Variants in DCT observed in about 807,000 individuals in gnomAD.
The protein encoded by DCT is L-dopachrome tautomerase.
Under a neutral mutation model 53.0 loss-of-function variants are expected in DCT, and 47 were observed. That is an observed-to-expected ratio of 0.89 (90% CI 0.70 to 1.13). The LOEUF (loss-of-function observed/expected upper bound fraction) is 1.13. DCT is among the 50% of genes most tolerant of loss of function. The pLI, the probability that DCT is intolerant of heterozygous loss-of-function variation, is 0.00. For missense variants in DCT, 669 were observed against 637.4 expected, an observed-to-expected ratio of 1.05 and a Z score of -0.53; for synonymous variants, 244 against 237.0, an observed-to-expected ratio of 1.03 and a Z score of -0.27.
At chr13:94,479,904 C>A (rs1885366035), upstream of DCT, among the ~76,000 whole-genome samples, 1 of 152,154 alleles carries the variant, frequency 6.6e-6, no homozygotes, top group Non-Finnish European at 1.5e-5. Flanking sequence ...TGTGCTCCAG[C>A]CAAACTTGTG....
At chr13:94,533,353 C>G in the DCT span, among the ~76,000 whole-genome samples, 1 of 148,260 alleles carries the variant, frequency 6.7e-6, no homozygotes, top group Non-Finnish European at 1.5e-5. Flanking sequence ...AAATATTTAC[C>G]GAAAATGTTT....
the DCT span, among the ~76,000 whole-genome samples, chr13:94,494,211 G>A: frequency 6.6e-6 from 1 of 152,114 alleles, no homozygotes; most frequent in Admixed American, 6.5e-5. Context: ...AGGCCTCACA[G>A]CTTTTAACAT....
At chr13:94,512,987 G>A in the DCT span, among the ~76,000 whole-genome samples, 1 of 152,212 alleles carries the variant, frequency 6.6e-6, no homozygotes, top group South Asian at 2.1e-4. Flanking sequence ...CCAGGCAGCA[G>A]AAATAGCATG....
At chr13:94,511,481 T>A in the DCT span, among the ~76,000 whole-genome samples, 1 of 151,700 alleles carries the variant, frequency 6.6e-6, no homozygotes, top group Non-Finnish European at 1.5e-5. Flanking sequence ...TGCCTCAGCC[T>A]CCCAAGTAGC....
chr13:94,460,505 A>T (rs939874293), intron 5 of DCT, among the ~76,000 whole-genome samples: 5 of 152,162 alleles, frequency 3.3e-5, no homozygotes, highest in Admixed American at 3.3e-4. Flanking sequence ...AGCAGGCTCT[A>T]TGTTTTCTTC....
intron 3 of DCT, 95 bp downstream of exon 3, chr13:94,466,463 A>G: frequency 1.5e-6 from 1 of 683,652 alleles, no homozygotes; most frequent in Non-Finnish European, 2.4e-6. Flanking sequence ...TATGAGTATC[A>G]AGATAAGTAT....
At chr13:94,546,204 C>G in the DCT span, among the ~76,000 whole-genome samples, 373 of 152,230 alleles carry the variant, frequency 2.5e-3, 2 homozygotes, top group Non-Finnish European at 3.8e-3. This position sits in a 1 kb window ranked among gnomAD's most constrained non-coding sequence, Gnocchi z 4.2. Flanking sequence ...AAGGATAGGG[C>G]CAGTGTCTCC....
the DCT span, among the ~76,000 whole-genome samples, chr13:94,494,395 T>C: frequency 3.9e-5 from 6 of 152,212 alleles, no homozygotes; most frequent in African/African-American, 1.4e-4. Context: ...CTGATTTCAC[T>C]AGGGGTTCTC....
At chr13:94,501,082 TG>T in the DCT span, among the ~76,000 whole-genome samples, 1 of 151,988 alleles carries the variant, frequency 6.6e-6, no homozygotes, top group African/African-American at 2.4e-5. Context: ...CTGGCTAACA[TG>T]GTGAAACCCC....
the DCT span, among the ~76,000 whole-genome samples, chr13:94,485,933 T>C: frequency 5.6e-3 from 848 of 152,300 alleles, 7 homozygotes; most frequent in African/African-American, 0.019. Flanking sequence ...CGTTGCTCGA[T>C]TGCATGATTT....
chr13:94,536,024 G>A, the DCT span, among the ~76,000 whole-genome samples: 1 of 152,290 alleles, frequency 6.6e-6, no homozygotes, highest in African/African-American at 2.4e-5. Context: ...TAATACCACA[G>A]AAAAGTTTGC....
chr13:94,469,292 A>G (rs557039615), intron 1 of DCT, among the ~76,000 whole-genome samples: 11 of 152,226 alleles, frequency 7.2e-5, no homozygotes, highest in Non-Finnish European at 1.6e-4. Context: ...GTATACTGCA[A>G]TGAGCTAAAC....
the DCT span, among the ~76,000 whole-genome samples, chr13:94,524,971 C>T: frequency 2.2e-3 from 339 of 152,266 alleles, 2 homozygotes; most frequent in African/African-American, 7.7e-3. Flanking sequence ...AATGCCTCTA[C>T]ACTCCAAGAA....
chr13:94,503,105 G>C, the DCT span, among the ~76,000 whole-genome samples: 3 of 152,112 alleles, frequency 2.0e-5, no homozygotes, highest in African/African-American at 7.2e-5. Context: ...GGTTGGGTGC[G>C]GTGGCTCATG....
rs1442545899 is a variant in DCT at position 94,479,152 on chromosome 13, A to T, written c.104T>A (p.Leu35Gln). The T allele has an allele frequency of 6.2e-7, 1 of 1,614,110 alleles. No individual in the cohort carries two copies. Among genetic ancestry groups the T allele is most frequent in the Non-Finnish European group, 8.5e-7 (1 of 1,179,966 alleles). Residue 35 changes from leucine to glutamine, a missense_variant, in exon 1 of 8, where the codon CTA becomes CAA. Coordinates refer to ENST00000377028, the MANE Select transcript of DCT (RefSeq NM_001922.5). ...GCGTGGGCAGCACTCCTTGTTCACTAGGCTGTCCACCGTCATGCAGACTCG... is the reference window on the plus strand; with the variant it reads ...GCGTGGGCAGCACTCCTTGTTCACTTGGCTGTCCACCGTCATGCAGACTCG... Reference protein sequence around the residue: ...FPRVCMTVDSLVNKECCPRLG... With the variant: ...FPRVCMTVDSQVNKECCPRLG...
intron 1 of DCT, among the ~76,000 whole-genome samples, chr13:94,471,604 C>T (rs1440253541): frequency 6.6e-6 from 1 of 152,142 alleles, no homozygotes; most frequent in Non-Finnish European, 1.5e-5. Context: ...GGCAACCTTA[C>T]TAAAACTGTA....
At chr13:94,461,054 G>T (rs1270100945) in intron 5 of DCT, among the ~76,000 whole-genome samples, 2 of 152,172 alleles carry the variant, frequency 1.3e-5, no homozygotes, top group East Asian at 3.9e-4. Context: ...TGTCAAAGGT[G>T]GGGGAAGGGT....
chr13:94,453,763 T>C (rs538719242), intron 6 of DCT, among the ~76,000 whole-genome samples: 1 of 152,198 alleles, frequency 6.6e-6, no homozygotes, highest in African/African-American at 2.4e-5. Flanking sequence ...AGTTCTCTCT[T>C]GGCTGCCACC....
In DCT at chr13:94,468,947, A is replaced by T; in HGVS notation, c.394T>A (p.Ser132Thr). 1.2e-6 allele frequency: 2 copies of T among 1,614,124 alleles called. No individual in the cohort carries two copies. The highest frequency in any genetic ancestry group is 2.2e-5 in the South Asian group (2 of 91,062). The change falls in exon 2 of 8, where the codon TCC (serine) becomes ACC (threonine). Residue 132 changes from serine to threonine, a missense_variant. Transcript: ENST00000377028. ...TGCTCTCTTTCCTGAGGACTCAAGG[A>T]ATGGATGTTCTGCCGAATCACTGGT... ...KPPVIRQNIH[S>T]LSPQEREQFL...
Sources: allele counts gnomAD v4.1 joint callset (sites outside exome capture counted in the v4.1 genomes callset), GRCh38; gene constraint gnomAD v4.1.1; non-coding constraint Gnocchi (gnomAD v3.1); transcripts MANE v1.5; gene names NCBI Gene and HGNC (gene_info 2026-07-23, HGNC 2026-07-21).